Variants in FARS2 observed in about 807,000 individuals in gnomAD.
FARS2 encodes the protein phenylalanyl-tRNA synthetase 2, mitochondrial.
Under a neutral mutation model 46.4 loss-of-function variants are expected in FARS2, and 40 were observed. That is an observed-to-expected ratio of 0.86 (90% CI 0.67 to 1.12). The LOEUF (loss-of-function observed/expected upper bound fraction) is 1.12. FARS2 is among the 50% of genes most tolerant of loss of function. FARS2 has a pLI of 0.00. For missense variants in FARS2, 513 were observed against 567.9 expected, an observed-to-expected ratio of 0.90 and a Z score of 0.98; for synonymous variants, 234 against 214.9, an observed-to-expected ratio of 1.09 and a Z score of -0.78.
intron 1 of FARS2, among the ~76,000 whole-genome samples, chr6:5,273,272 T>A (rs1438195973): frequency 6.6e-6 from 1 of 152,250 alleles, no homozygotes; most frequent in Non-Finnish European, 1.5e-5. Context: ...CTATACTAAC[T>A]TATATTTCCA....
intron 5 of FARS2, among the ~76,000 whole-genome samples, chr6:5,610,464 CAT>C (rs1356765908): frequency 1.3e-5 from 2 of 152,008 alleles, no homozygotes; most frequent in Admixed American, 6.6e-5. Context: ...AACAATAAAA[CAT>C]AATAAAAATT....
chr6:5,466,643 T>C (rs1765532387), intron 4 of FARS2: 1 of 985,428 alleles, frequency 1.0e-6, no homozygotes, highest in South Asian at 4.7e-5. Context: ...GAGAGCTCAT[T>C]CTCAGGCATG....
intron 6 of FARS2, among the ~76,000 whole-genome samples, chr6:5,627,947 G>A (rs1236483453): frequency 6.6e-6 from 1 of 152,106 alleles, no homozygotes; most frequent in Non-Finnish European, 1.5e-5. Flanking sequence ...CAGAAGTTGG[G>A]TCCTAAGTAA....
intron 2 of FARS2, among the ~76,000 whole-genome samples, chr6:5,387,088 A>G (rs566442352): frequency 6.6e-6 from 1 of 152,254 alleles, no homozygotes; most frequent in South Asian, 2.1e-4. Flanking sequence ...GTGAGAGGGG[A>G]TAGTTGCAGC....
chr6:5,592,793 C>A (rs1324652461), intron 5 of FARS2, among the ~76,000 whole-genome samples: 1 of 152,314 alleles, frequency 6.6e-6, no homozygotes, highest in African/African-American at 2.4e-5. Context: ...GTTTCATATT[C>A]GCAGCACAGT....
At chr6:5,632,774 A>G (rs1307069115) in intron 6 of FARS2, among the ~76,000 whole-genome samples, 1 of 151,970 alleles carries the variant, frequency 6.6e-6, no homozygotes, top group Non-Finnish European at 1.5e-5. Context: ...TTGGCCATTT[A>G]TGTACTGCTT....
At chr6:5,299,824 G>T (rs1214486912) in intron 1 of FARS2, among the ~76,000 whole-genome samples, 1 of 151,816 alleles carries the variant, frequency 6.6e-6, no homozygotes, top group East Asian at 1.9e-4. Context: ...TGAGAATGAT[G>T]GTTTCCAGCT....
chr6:5,740,327 T>G (rs2150950642), intron 6 of FARS2, among the ~76,000 whole-genome samples: 1 of 152,336 alleles, frequency 6.6e-6, no homozygotes, highest in South Asian at 2.1e-4. Context: ...ATAAGTTTTT[T>G]GGGAACCTCA....
At chr6:5,505,404 C>T (rs137899422) in intron 4 of FARS2, among the ~76,000 whole-genome samples, 27 of 152,304 alleles carry the variant, frequency 1.8e-4, no homozygotes, top group African/African-American at 6.5e-4. Flanking sequence ...GGTCCCCTCA[C>T]TGTGGAGGCA....
At chr6:5,614,570 C>T (rs929759103) in intron 6 of FARS2, among the ~76,000 whole-genome samples, 3 of 152,254 alleles carry the variant, frequency 2.0e-5, no homozygotes, top group South Asian at 2.1e-4. Flanking sequence ...CTACGGCCCC[C>T]GGCTAATTTT....
chr6:5,475,356 A>G (rs952032770), intron 4 of FARS2, among the ~76,000 whole-genome samples: 1 of 152,214 alleles, frequency 6.6e-6, no homozygotes, highest in East Asian at 1.9e-4. Flanking sequence ...ACTTGATTTG[A>G]ATGTATGATG....
At chr6:5,316,899 A>T (rs1284962759) in intron 1 of FARS2, among the ~76,000 whole-genome samples, 1 of 152,312 alleles carries the variant, frequency 6.6e-6, no homozygotes, top group African/African-American at 2.4e-5. Context: ...GGGATGGGAA[A>T]TGCCCAGCTC....
Position 5,717,935 on chromosome 6 carries a change from T to TATAGAGAGAGAGAGAGAGAGAGAGAG in FARS2, c.1218-53355_1218-53354insTAGAGAGAGAGAGAGAGAGAGAGAGA, listed in dbSNP as rs546191530. Among the ~76,000 whole-genome samples the TATAGAGAGAGAGAGAGAGAGAGAGAG allele has an allele frequency of 1.3e-4, 17 of 135,646 alleles. 1 individual carries two copies. Among genetic ancestry groups the TATAGAGAGAGAGAGAGAGAGAGAGAG allele is most frequent in the South Asian group, 4.7e-4 (2 of 4,290 alleles). The allele number at this position is 135,646 out of a possible 152,430, so 89.0% of individuals were successfully genotyped here. On this transcript the variant is annotated intron_variant, in intron 6 of 6. Coordinates refer to ENST00000274680, the MANE Select transcript of FARS2 (RefSeq NM_006567.5). Reference sequence around the variant, plus strand: ...ATATATATATATATATATATATATATACAGAGTCTCACTCTGTCGCCCAGG... The same window carrying TATAGAGAGAGAGAGAGAGAGAGAGAG: ...ATATATATATATATATATATATATATATAGAGAGAGAGAGAGAGAGAGAGAGACAGAGTCTCACTCTGTCGCCCAGG...
At chr6:5,404,457 A>G in intron 2 of FARS2, 85 bp from the exon 3 acceptor site, 2 of 901,544 alleles carry the variant, frequency 2.2e-6, no homozygotes, top group Non-Finnish European at 3.2e-6. Flanking sequence ...TTTAGAGTCA[A>G]AAGATTCTTA....
chr6:5,755,386 G>A (rs916633436), intron 6 of FARS2, among the ~76,000 whole-genome samples: 1 of 151,536 alleles, frequency 6.6e-6, no homozygotes, highest in Non-Finnish European at 1.5e-5. Context: ...TCCCCTCCCT[G>A]GGTCCATGTG....
At chr6:5,579,609 G>A (rs1468072170) in intron 5 of FARS2, among the ~76,000 whole-genome samples, 1 of 152,166 alleles carries the variant, frequency 6.6e-6, no homozygotes, top group African/African-American at 2.4e-5. Flanking sequence ...TCTGGGTTTA[G>A]CAGAAGGAAC....
chr6:5,698,819 C>T (rs1394520859), intron 6 of FARS2, among the ~76,000 whole-genome samples: 1 of 152,196 alleles, frequency 6.6e-6, no homozygotes, highest in Non-Finnish European at 1.5e-5. Flanking sequence ...GTGTTTCTCA[C>T]TCTGGCCATG....
intron 4 of FARS2, among the ~76,000 whole-genome samples, chr6:5,539,958 A>G (rs1770516352): frequency 6.6e-6 from 1 of 151,916 alleles, no homozygotes; most frequent in Non-Finnish European, 1.5e-5. Context: ...ATCAGTCTGG[A>G]AAAGCAAGTC....
At chr6:5,586,330 G>A (rs1773611061) in intron 5 of FARS2, among the ~76,000 whole-genome samples, 1 of 152,034 alleles carries the variant, frequency 6.6e-6, no homozygotes, top group Non-Finnish European at 1.5e-5. Flanking sequence ...TCAACTTTGA[G>A]TGTGATGTTT....
Sources: allele counts gnomAD v4.1 joint callset (sites outside exome capture counted in the v4.1 genomes callset), GRCh38; gene constraint gnomAD v4.1.1; transcripts MANE v1.5; gene names NCBI Gene and HGNC (gene_info 2026-07-23, HGNC 2026-07-21).